The following PHF2 variants were observed in gnomAD, a reference collection of about 807,000 sequenced individuals.
PHF2 encodes the protein lysine-specific demethylase PHF2.
A neutral mutation model predicts 120.5 loss-of-function variants in PHF2; 27 were observed. That is an observed-to-expected ratio of 0.22 (90% CI 0.17 to 0.31). PHF2 has a LOEUF of 0.31. Among genes scored for constraint, PHF2 ranks in the 10% least tolerant of loss-of-function variants. The pLI, the probability that PHF2 is intolerant of heterozygous loss-of-function variation, is 1.00. For missense variants in PHF2, 1,024 were observed against 1,434.8 expected, an observed-to-expected ratio of 0.71 and a Z score of 4.63; for synonymous variants, 568 against 592.5, an observed-to-expected ratio of 0.96 and a Z score of 0.60.
chr9:93,598,971 T>G (rs1825383027), intron 1 of PHF2, among the ~76,000 whole-genome samples: 1 of 152,170 alleles, frequency 6.6e-6, no homozygotes, highest in East Asian at 1.9e-4. Flanking sequence ...TGTGCGCCCT[T>G]GGAAGCAGCA....
Position 93,576,724 on chromosome 9 carries a change from C to T in PHF2, c.-50C>T. 3.2e-6 allele frequency: 3 copies of T among 936,732 alleles called. No individual in the cohort carries two copies. The highest frequency in any genetic ancestry group is 3.9e-6 in the Non-Finnish European group (3 of 766,062). The allele number at this position is 936,732 out of a possible 1,614,324, so 58.0% of individuals were successfully genotyped here. On this transcript the variant is annotated 5_prime_UTR_variant, in exon 1 of 22. Transcript: ENST00000359246. ...GCCCGGCCCCCGGCCCGGCCCGGAC[C>T]GACCCGGGCAGCGCAGCGGCGGGGC...
At chr9:93,622,844 AGTCT>A (rs374439225) in intron 1 of PHF2, among the ~76,000 whole-genome samples, 2 of 152,098 alleles carry the variant, frequency 1.3e-5, no homozygotes, top group African/African-American at 2.4e-5. Flanking sequence ...CTGAGCCCCG[AGTCT>A]GTCTGTCTGT....
At chr9:93,580,222 C>G (rs964002191) in intron 1 of PHF2, among the ~76,000 whole-genome samples, 2 of 152,196 alleles carry the variant, frequency 1.3e-5, no homozygotes, top group Non-Finnish European at 2.9e-5. Context: ...TCACTGGCAC[C>G]GACTGGAGTG....
intron 2 of PHF2, among the ~76,000 whole-genome samples, chr9:93,633,467 G>A (rs59174058): frequency 0.012 from 1,839 of 152,286 alleles, 48 homozygotes; most frequent in African/African-American, 0.041. Context: ...TCCTCATCCC[G>A]CCCTGCCCTG....
intron 17 of PHF2, among the ~76,000 whole-genome samples, chr9:93,672,031 C>G (rs56301302): frequency 7.2e-4 from 42 of 58,118 alleles, no homozygotes; most frequent in Admixed American, 1.5e-3. Context: ...TGGGAGTAGG[C>G]ACAGGTGTAG....
chr9:93,654,861 C>G (rs1235003228), intron 7 of PHF2, among the ~76,000 whole-genome samples: 1 of 152,226 alleles, frequency 6.6e-6, no homozygotes, highest in Non-Finnish European at 1.5e-5. Flanking sequence ...CACCTTGGAG[C>G]TGCGCAGCCA....
At chr9:93,631,589 A>T (rs548498395) in intron 2 of PHF2, among the ~76,000 whole-genome samples, 61 of 152,336 alleles carry the variant, frequency 4.0e-4, no homozygotes, top group Admixed American at 1.1e-3. Context: ...GGGCATCCTC[A>T]TGCTTCTGGC....
chr9:93,628,626 A>G (rs1825949823), intron 1 of PHF2, among the ~76,000 whole-genome samples: 1 of 152,116 alleles, frequency 6.6e-6, no homozygotes, highest in Non-Finnish European at 1.5e-5. Context: ...CTTCATGCAC[A>G]TCTATAGCTT....
At chr9:93,626,798 G>T (rs146118661) in intron 1 of PHF2, among the ~76,000 whole-genome samples, 226 of 152,300 alleles carry the variant, frequency 1.5e-3, no homozygotes, top group East Asian at 6.8e-3. Context: ...TTTGCATGTG[G>T]ATGTCCACTT....
chr9:93,635,721 C>T (rs143117600), intron 2 of PHF2, among the ~76,000 whole-genome samples: 195 of 152,224 alleles, frequency 1.3e-3, no homozygotes, highest in African/African-American at 4.2e-3. Context: ...GTTGCATGGG[C>T]GCATAGTCCA....
intron 6 of PHF2, 53 bp from the exon 7 acceptor site, chr9:93,654,360 C>A: frequency 6.3e-7 from 1 of 1,581,218 alleles, no homozygotes; most frequent in South Asian, 1.1e-5. Context: ...CACTTGCACC[C>A]CCGACCCCCG....
rs927408434 is a variant in PHF2 at position 93,660,183 on chromosome 9, G to A, written c.1330-9G>A. On this transcript the variant is annotated splice_polypyrimidine_tract_variant and intron_variant, in intron 11 of 21. Transcript: ENST00000359246. The stretch of plus-strand genomic sequence containing the variant: ...AGCAGCATGTGACCCTCTCCTTTCT[G>A]TATCCCAGAATGCCTCCAAAGCCGT... 3.9e-6 allele frequency: 6 copies of A among 1,537,452 alleles called. No individual in the cohort carries two copies. The highest frequency in any genetic ancestry group is 4.2e-5 in the Admixed American group (2 of 47,742).
At chr9:93,577,195 C>T (rs1862839060) in intron 1 of PHF2, among the ~76,000 whole-genome samples, 1 of 150,638 alleles carries the variant, frequency 6.6e-6, no homozygotes, top group South Asian at 2.1e-4. Flanking sequence ...GGCCGCCTGT[C>T]AGCTGGGTCG....
rs140032662 is a variant in PHF2, at chr9:93,664,418, G to C, written c.1937+783G>C. ...TTGGGCCTGTGTGTGCTCCCGGTGC[G>C]TGGGACATGTCACCTGCTGAGGCCC... On this transcript the variant is annotated intron_variant, in intron 14 of 21. Transcript: ENST00000359246. Among the ~76,000 whole-genome samples the C allele has an allele frequency of 5.8e-3, 883 of 152,322 alleles. 10 individuals carry two copies. The highest frequency in any genetic ancestry group is 0.02 in the African/African-American group (848 of 41,570).
intron 17 of PHF2, chr9:93,672,487 C>T (rs1826823303): frequency 1.0e-6 from 1 of 967,042 alleles, no homozygotes; most frequent in African/African-American, 2.0e-5. Flanking sequence ...TGGGAGTAGG[C>T]ACAGGTGTAC....
Position 93,662,934 on chromosome 9 carries a change from A to C in PHF2, c.1726A>C (p.Asn576His), listed in dbSNP as rs769251465. ...CACAAAGAGTGTCCTGAGTGTGCCC[A>C]ACAAAGATGTGGTTCACATGCAGAA... ...KATKSVLSVP[N>H]KDVVHMQNDV... The change falls in exon 13 of 22, where the codon AAC (asparagine) becomes CAC (histidine). Residue 576 changes from asparagine (N) to histidine (H), a missense_variant. Transcript: ENST00000359246. 3.1e-6 allele frequency: 5 copies of C among 1,614,092 alleles called. No individual in the cohort carries two copies. The South Asian group carries it at 5.5e-5, about 18-fold the overall frequency.
chr9:93,591,274 G>A (rs911452378), intron 1 of PHF2, among the ~76,000 whole-genome samples: 1 of 152,192 alleles, frequency 6.6e-6, no homozygotes, highest in African/African-American at 2.4e-5. Context: ...TGCCAAATGT[G>A]TATTATTTTA....
At chr9:93,622,776 C>T (rs1825845539) in intron 1 of PHF2, among the ~76,000 whole-genome samples, 1 of 152,304 alleles carries the variant, frequency 6.6e-6, no homozygotes, top group Admixed American at 6.5e-5. Context: ...TCTCTAGCCC[C>T]TCACGCCAAG....
chr9:93,656,459 C>A lies in PHF2; in HGVS notation c.1041-30C>A. ...AGCGTCGCCTGCTTGATGGTCAGTG[C>A]ACTGAGAACTGCTCTTTGGTGGCTT... On this transcript the variant is annotated intron_variant, in intron 8 of 21. Coordinates refer to ENST00000359246, the MANE Select transcript of PHF2 (RefSeq NM_005392.4). The surrounding 1 kb of genome is among the most constrained non-coding windows in gnomAD (Gnocchi z 4.1). The A allele has an allele frequency of 1.4e-6, 2 of 1,478,854 alleles. No individual in the cohort carries two copies. Among genetic ancestry groups the A allele is most frequent in the Non-Finnish European group, 9.5e-7 (1 of 1,057,800 alleles). 91.6% of individuals were successfully genotyped at this position (1,478,854 alleles called of 1,614,324 possible).
Sources: gnomAD v4.1 joint callset for allele counts (sites outside exome capture counted in the v4.1 genomes callset) on GRCh38, gnomAD v4.1.1 for gene constraint, Gnocchi (gnomAD v3.1) non-coding constraint, MANE v1.5 for transcripts, NCBI Gene and HGNC (gene_info 2026-07-23, HGNC 2026-07-21) for gene names.